Variants in TIAM2 observed in about 807,000 individuals in gnomAD.
TIAM2 encodes TIAM Rac1 associated GEF 2.
TIAM2 carries 80 observed loss-of-function variants against 152.9 expected under a neutral mutation model. The observed-to-expected ratio is 0.52, with a 90% CI of 0.44 to 0.63. TIAM2 has a LOEUF of 0.63. Among genes scored for constraint, TIAM2 ranks in the 30% least tolerant of loss-of-function variants. The pLI, the probability that TIAM2 is intolerant of heterozygous loss-of-function variation, is 0.00. For missense variants in TIAM2, 1,965 were observed against 2,120.1 expected (o/e 0.93, Z 1.44); for synonymous variants, 804 against 838.0 (o/e 0.96, Z 0.70).
intron 1 of TIAM2, among the ~76,000 whole-genome samples, chr6:155,009,819 C>T (rs530577821): frequency 1.1e-4 from 17 of 152,156 alleles, no homozygotes; most frequent in African/African-American, 3.9e-4. Context: ...TAAGGTCCCT[C>T]GCACCCATAG....
chr6:155,017,083 T>C (rs1778603779), intron 1 of TIAM2, among the ~76,000 whole-genome samples: 1 of 152,142 alleles, frequency 6.6e-6, no homozygotes, highest in African/African-American at 2.4e-5. Context: ...GGCAGGGCTG[T>C]GGGAAAGTTC....
chr6:155,013,797 A>G (rs750548256), intron 1 of TIAM2: 2 of 152,186 alleles, frequency 1.3e-5, no homozygotes, highest in Non-Finnish European at 2.9e-5. Context: ...GTGGAGGAGC[A>G]CTTACAGGGT....
chr6:155,244,585 G>A (rs1783214801), intron 17 of TIAM2, 73 bp from the exon 18 acceptor site: 2 of 1,503,866 alleles, frequency 1.3e-6, no homozygotes, highest in East Asian at 4.6e-5. Flanking sequence ...ATTTATTTGT[G>A]GGCCTAAGAG....
chr6:155,094,114 AG>A (rs890004181), intron 2 of TIAM2, among the ~76,000 whole-genome samples: 6 of 152,182 alleles, frequency 3.9e-5, no homozygotes, highest in African/African-American at 1.2e-4. Context: ...TTTACAAAAA[AG>A]CCAAATTTTT....
chr6:155,044,545 A>C (rs999213387), intron 1 of TIAM2, among the ~76,000 whole-genome samples: 2 of 152,166 alleles, frequency 1.3e-5, no homozygotes, highest in African/African-American at 2.4e-5. Flanking sequence ...GGCCAGGTGC[A>C]GTGGCTTACG....
chr6:155,244,132 T>G, intron 17 of TIAM2, 53 bp downstream of exon 17: 1 of 1,532,518 alleles, frequency 6.5e-7, no homozygotes, highest in South Asian at 1.1e-5. Context: ...AGTCTCTGTT[T>G]GCCTTTTAGC....
chr6:155,118,222 C>T (rs1235054279), intron 2 of TIAM2, among the ~76,000 whole-genome samples: 1 of 152,088 alleles, frequency 6.6e-6, no homozygotes, highest in African/African-American at 2.4e-5. Context: ...CAAACTTTGT[C>T]CCTGACCCTG....
Position 155,129,923 on chromosome 6 carries a change from C to G in TIAM2, c.700C>G (p.Arg234Gly). ...PSHRPSPTDSRLRSSKGSSLS... is the reference protein window; with the variant it reads ...PSHRPSPTDSGLRSSKGSSLS... ...CCATCGCCCCTCTCCCACGGACTCTCGCCTGCGGTCCAGCAAAGGCAGCTC... is the reference window on the plus strand; with the variant it reads ...CCATCGCCCCTCTCCCACGGACTCTGGCCTGCGGTCCAGCAAAGGCAGCTC... The change falls in exon 4 of 27, where the codon CGC (arginine) becomes GGC (glycine). Residue 234 changes from arginine to glycine, a missense_variant. This residue lies in a region of TIAM2 where 1,025 missense variants were observed against 1,119.4 expected (regional missense o/e 0.92). Transcript: ENST00000682666. The surrounding 1 kb of genome is among the most constrained non-coding windows in gnomAD (Gnocchi z 4.8). 1 of 1,613,990 alleles carries G rather than the reference C, an allele frequency of 6.2e-7. No homozygotes were observed. Among genetic ancestry groups the G allele is most frequent in the African/African-American group, 1.3e-5 (1 of 75,048 alleles).
chr6:155,201,280 T>G (rs548102811), intron 14 of TIAM2, among the ~76,000 whole-genome samples: 1 of 152,326 alleles, frequency 6.6e-6, no homozygotes, highest in South Asian at 2.1e-4. Flanking sequence ...CATGTGTACT[T>G]TTGTCTAGGT....
intron 1 of TIAM2, among the ~76,000 whole-genome samples, chr6:155,032,228 G>C (rs9480017): frequency 0.21 from 31,385 of 151,962 alleles, 3,425 homozygotes; most frequent in Middle Eastern, 0.27. Context: ...AAGCCTGTGC[G>C]AACCTGCCTG....
In TIAM2 at chr6:155,244,163, T is replaced by C. The variant is rs370316446; in HGVS notation, c.3417+84T>C. On this transcript the variant is annotated intron_variant, in intron 17 of 26. Transcript: ENST00000682666. ...TTAGCAGAACTCCTATGAGAGTATC[T>C]CTGTTGATCCCAAAAGAACATCCCA... 5.5e-4 allele frequency: 711 copies of C among 1,288,068 alleles called. 2 individuals are homozygous for C. The African/African-American group carries it at 8.7e-3, about 16-fold the overall frequency. The allele number at this position is 1,288,068 out of a possible 1,614,324, so 79.8% of individuals were successfully genotyped here. A position where few individuals can be genotyped will look rare whatever the true frequency, so the allele number is the denominator to read the frequency against.
intron 14 of TIAM2, among the ~76,000 whole-genome samples, chr6:155,189,267 ACTG>A (rs1781129651): frequency 6.6e-6 from 1 of 152,164 alleles, no homozygotes; most frequent in South Asian, 2.1e-4. Flanking sequence ...TGTGTGTAAA[ACTG>A]CTATTAGTGA....
At chr6:155,128,286 G>C (rs896086715) in intron 3 of TIAM2, among the ~76,000 whole-genome samples, 1 of 152,080 alleles carries the variant, frequency 6.6e-6, no homozygotes, top group Non-Finnish European at 1.5e-5. Context: ...TCCCAAATGA[G>C]AGCTCTTATT....
chr6:155,124,871 T>G (rs1389014036), intron 2 of TIAM2, among the ~76,000 whole-genome samples: 1 of 152,124 alleles, frequency 6.6e-6, no homozygotes, highest in African/African-American at 2.4e-5. Flanking sequence ...TTTTTTTTTT[T>G]TTTTTAATTT....
rs561264131 is a variant in TIAM2 at position 155,165,545 on chromosome 6, A to G, written c.2361+136A>G. 22 of 1,246,002 alleles carry G rather than the reference A, an allele frequency of 1.8e-5. No individual in the cohort carries two copies. In the African/African-American group the frequency reaches 2.6e-4, roughly 15 times the overall value. 77.2% of individuals were successfully genotyped at this position (1,246,002 alleles called of 1,614,324 possible). A position where few individuals can be genotyped will look rare whatever the true frequency, so the allele number is the denominator to read the frequency against. On this transcript the variant is annotated intron_variant, in intron 9 of 26. Coordinates refer to ENST00000682666, the MANE Select transcript of TIAM2 (RefSeq NM_012454.4). ...CGAGGTGGGGTGGCTCACGCCTGTA[A>G]TTCTAGCACACTGGGAGGGCAAGGC...
chr6:155,104,421 C>T (rs1335488503), intron 2 of TIAM2, among the ~76,000 whole-genome samples: 1 of 152,112 alleles, frequency 6.6e-6, no homozygotes, highest in Non-Finnish European at 1.5e-5. Context: ...ATAACTATTA[C>T]ACTGATGGTC....
At chr6:155,022,023 A>G (rs143678703) in intron 1 of TIAM2, among the ~76,000 whole-genome samples, 1 of 152,308 alleles carries the variant, frequency 6.6e-6, no homozygotes, top group East Asian at 1.9e-4. Flanking sequence ...ATTGCCAACT[A>G]GTAGCATCTG....
chr6:155,184,087 C>T (rs1780976654), intron 14 of TIAM2, among the ~76,000 whole-genome samples: 1 of 152,038 alleles, frequency 6.6e-6, no homozygotes, highest in Non-Finnish European at 1.5e-5. Flanking sequence ...CTCCCGGGTT[C>T]AAGAGATTCT....
chr6:155,005,599 C>T (rs1778386494), intron 1 of TIAM2, among the ~76,000 whole-genome samples: 1 of 151,558 alleles, frequency 6.6e-6, no homozygotes, highest in African/African-American at 2.4e-5. Context: ...CTTGGCCTCT[C>T]AAAGTGCTGG....
Sources: gnomAD v4.1 joint callset for allele counts (sites outside exome capture counted in the v4.1 genomes callset) on GRCh38, gnomAD v4.1.1 for gene constraint, gnomAD v4.1.1 regional missense constraint, Gnocchi (gnomAD v3.1) non-coding constraint, MANE v1.5 for transcripts, NCBI Gene and HGNC (gene_info 2026-07-23, HGNC 2026-07-21) for gene names.